NKAIN3: variants seen among roughly 807,000 people sequenced by gnomAD.
NKAIN3 encodes the protein sodium/potassium-transporting ATPase subunit beta-1-interacting protein 3.
NKAIN3 carries 25 observed loss-of-function variants against 30.2 expected under a neutral mutation model. That is an observed-to-expected ratio of 0.83 (90% CI 0.60 to 1.16). The LOEUF (loss-of-function observed/expected upper bound fraction) is 1.16, where lower values mean the gene tolerates loss of function less well. Among genes scored for constraint, NKAIN3 ranks in the 50% most tolerant of loss-of-function variants. NKAIN3 has a pLI of 0.00. For synonymous variants in NKAIN3, 91 were observed against 89.6 expected, an observed-to-expected ratio of 1.02 and a Z score of -0.09; for missense variants, 225 against 254.1, an observed-to-expected ratio of 0.89 and a Z score of 0.78.
chr8:62,272,178 A>G (rs987901006), intron 1 of NKAIN3, among the ~76,000 whole-genome samples: 1 of 152,214 alleles, frequency 6.6e-6, no homozygotes, highest in African/African-American at 2.4e-5. Flanking sequence ...AAGTTATTCA[A>G]TAATTTTCCT....
At chr8:62,791,466 A>G (rs985403216) in intron 4 of NKAIN3, among the ~76,000 whole-genome samples, 4 of 152,154 alleles carry the variant, frequency 2.6e-5, no homozygotes, top group African/African-American at 7.2e-5. Context: ...CAAAGGTCCA[A>G]ATAAATGACT....
intron 3 of NKAIN3, among the ~76,000 whole-genome samples, chr8:62,638,206 A>G (rs999179878): frequency 8.5e-5 from 13 of 152,188 alleles, no homozygotes; most frequent in South Asian, 2.1e-4. Flanking sequence ...ACAAAAAATT[A>G]AGCAGTGATG....
At chr8:62,670,393 T>C (rs1473897121) in intron 3 of NKAIN3, among the ~76,000 whole-genome samples, 1 of 152,122 alleles carries the variant, frequency 6.6e-6, no homozygotes, top group Non-Finnish European at 1.5e-5. Flanking sequence ...GAGGATAGGT[T>C]TTTTATCCTT....
intron 4 of NKAIN3, among the ~76,000 whole-genome samples, chr8:62,840,636 T>G (rs1819503254): frequency 6.6e-6 from 1 of 152,104 alleles, no homozygotes; most frequent in African/African-American, 2.4e-5. Context: ...CAAATAAATA[T>G]TATAATTGCA....
Position 62,249,112 on chromosome 8 carries a change from C to T in NKAIN3, c.39C>T (p.Leu13=), listed in dbSNP as rs916655358. ...CCGGACGCTGCTCGCTCATCTGCCT[C>T]TGCGCGCTGCAGTTGGTGAGTGCCC... ...CCTGRCSLIC[L]CALQLVSALE... Residue 13 remains leucine, a synonymous_variant, in exon 1 of 7, where the codon CTC becomes CTT. Coordinates refer to ENST00000623646, the MANE Select transcript of NKAIN3 (RefSeq NM_001304533.3). The T allele has an allele frequency of 5.9e-6, 9 of 1,538,144 alleles. No individual in the cohort carries two copies. The Admixed American group carries it at 5.9e-5, about 10-fold the overall frequency.
chr8:62,317,763 C>G (rs1416256530), intron 1 of NKAIN3, among the ~76,000 whole-genome samples: 1 of 152,162 alleles, frequency 6.6e-6, no homozygotes, highest in East Asian at 1.9e-4. Context: ...AATGTGGACT[C>G]TTTTTTGGTT....
intron 1 of NKAIN3, among the ~76,000 whole-genome samples, chr8:62,532,417 T>A (rs56108247): frequency 0.89 from 135,854 of 151,950 alleles, 60,923 homozygotes; most frequent in Middle Eastern, 0.95. Context: ...CCTGAAGCCC[T>A]GGCTGCATTC....
intron 1 of NKAIN3, among the ~76,000 whole-genome samples, chr8:62,396,780 T>C (rs924021592): frequency 2.6e-5 from 4 of 152,174 alleles, no homozygotes; most frequent in Admixed American, 6.5e-5. Flanking sequence ...ATTAGGAAAA[T>C]GTCCCCTACC....
chr8:62,622,273 TAAG>T (rs1811641879), intron 3 of NKAIN3, among the ~76,000 whole-genome samples: 2 of 152,060 alleles, frequency 1.3e-5, no homozygotes, highest in Non-Finnish European at 2.9e-5. Flanking sequence ...TGTGTGAACC[TAAG>T]TTTTTATTTC....
intron 4 of NKAIN3, among the ~76,000 whole-genome samples, chr8:62,799,632 T>C (rs1476471957): frequency 1.3e-5 from 2 of 152,210 alleles, no homozygotes; most frequent in East Asian, 3.8e-4. Flanking sequence ...TGAAAAACAG[T>C]GTGGAGATTC....
At chr8:62,352,270 G>A (rs1176268752) in intron 1 of NKAIN3, among the ~76,000 whole-genome samples, 1 of 152,018 alleles carries the variant, frequency 6.6e-6, no homozygotes, top group East Asian at 1.9e-4. Context: ...AGCCCTCCTC[G>A]CCTGTGACCT....
intron 3 of NKAIN3, among the ~76,000 whole-genome samples, chr8:62,720,705 T>C (rs1304978144): frequency 2.6e-5 from 4 of 152,318 alleles, no homozygotes; most frequent in African/African-American, 9.6e-5. Flanking sequence ...CATCAAGTTA[T>C]ATGGCCTCTT....
chr8:62,987,671 C>T (rs1824231917), downstream of NKAIN3, among the ~76,000 whole-genome samples: 1 of 150,918 alleles, frequency 6.6e-6, no homozygotes, highest in Admixed American at 6.6e-5. Context: ...CTGGGTCCCT[C>T]CTATAACACA....
At chr8:62,666,457 G>T (rs151151819) in intron 3 of NKAIN3, among the ~76,000 whole-genome samples, 186 of 152,190 alleles carry the variant, frequency 1.2e-3, no homozygotes, top group African/African-American at 4.4e-3. Flanking sequence ...AAAAAAGTAT[G>T]AAAAAGCATT....
intron 5 of NKAIN3, among the ~76,000 whole-genome samples, chr8:62,951,338 T>A (rs1400983567): frequency 6.6e-6 from 1 of 152,214 alleles, no homozygotes. Context: ...TTTATAATAC[T>A]GGAATTACAT....
chr8:62,515,464 C>A (rs1807957026), intron 1 of NKAIN3, among the ~76,000 whole-genome samples: 1 of 152,040 alleles, frequency 6.6e-6, no homozygotes, highest in Non-Finnish European at 1.5e-5. Flanking sequence ...TTATGCACAC[C>A]CTCTATCTTC....
At chr8:62,282,993 G>A (rs1248183446) in intron 1 of NKAIN3, among the ~76,000 whole-genome samples, 5 of 152,180 alleles carry the variant, frequency 3.3e-5, no homozygotes, top group African/African-American at 9.7e-5. Context: ...CTTTGAAGCC[G>A]TGTTGAGTTC....
intron 4 of NKAIN3, among the ~76,000 whole-genome samples, chr8:62,859,406 C>G (rs887767286): frequency 1.3e-5 from 2 of 150,638 alleles, no homozygotes; most frequent in Non-Finnish European, 1.5e-5. Flanking sequence ...CCACCACAAC[C>G]TTAGGCCAAG....
At chr8:62,867,022 T>G (rs1820442398) in intron 4 of NKAIN3, among the ~76,000 whole-genome samples, 1 of 140,736 alleles carries the variant, frequency 7.1e-6, no homozygotes, top group East Asian at 2.1e-4. Flanking sequence ...GCCACTGCAC[T>G]CCAGACTGGG....
Sources: gnomAD v4.1 joint callset for allele counts (sites outside exome capture counted in the v4.1 genomes callset) on GRCh38, gnomAD v4.1.1 for gene constraint, MANE v1.5 for transcripts, NCBI Gene and HGNC (gene_info 2026-07-23, HGNC 2026-07-21) for gene names.